MTA3: variants seen among roughly 807,000 people sequenced by gnomAD.
MTA3 encodes metastasis-associated protein MTA3.
In MTA3, 34 loss-of-function variants were observed where a neutral mutation model predicts 83.5. The observed-to-expected ratio is 0.41, with a 90% CI of 0.31 to 0.54. MTA3 has a LOEUF of 0.54. Ranked by LOEUF, MTA3 falls within the 20% of genes least tolerant of loss-of-function variation. The pLI is 0.33. For missense variants in MTA3, 761 were observed against 726.4 expected (o/e 1.05, Z -0.55); for synonymous variants, 303 against 252.7 (o/e 1.20, Z -1.89).
intron 6 of MTA3, among the ~76,000 whole-genome samples, chr2:42,649,111 T>C (rs1475765749): frequency 6.6e-6 from 1 of 152,024 alleles, no homozygotes; most frequent in African/African-American, 2.4e-5. Flanking sequence ...ATAGCTGTTA[T>C]CGGCCGGGTG....
chr2:42,716,325 C>G (rs1372427626), intron 14 of MTA3, among the ~76,000 whole-genome samples: 1 of 152,128 alleles, frequency 6.6e-6, no homozygotes, highest in Non-Finnish European at 1.5e-5. Flanking sequence ...TGTTTTTAAA[C>G]TTATTTTTTA....
chr2:42,511,985 C>T (rs1180758949), intron 2 of MTA3: 2 of 151,750 alleles, frequency 1.3e-5, no homozygotes, highest in Non-Finnish European at 2.9e-5. Context: ...CCACTGCACT[C>T]CAGCCTGGGC....
chr2:42,658,785 TC>T lies in MTA3; in HGVS notation c.603-976del, dbSNP rs1266021716. ...TAATTAAAATATTTATAAAATTTCTTCCTTAGGGGTCAACCACAATGGCTCA... is the reference window on the plus strand; with the variant it reads ...TAATTAAAATATTTATAAAATTTCTTCTTAGGGGTCAACCACAATGGCTCA... On this transcript the variant is annotated intron_variant, in intron 7 of 16. Coordinates refer to ENST00000405094, the MANE Select transcript of MTA3 (RefSeq NM_001330442.2). Among the ~76,000 whole-genome samples, 3 of 152,042 alleles carry T rather than the reference TC, an allele frequency of 2.0e-5. No homozygotes were observed. In the South Asian group the frequency reaches 6.2e-4, roughly 32 times the overall value.
upstream of MTA3, chr2:42,568,059 G>T (rs1678004089): frequency 6.6e-6 from 1 of 152,244 alleles, no homozygotes; most frequent in Non-Finnish European, 1.5e-5. Flanking sequence ...GAGGCGGGAA[G>T]CACCCGGAAT....
intron 8 of MTA3, among the ~76,000 whole-genome samples, chr2:42,664,922 A>G (rs1690089545): frequency 1.3e-5 from 2 of 152,198 alleles, no homozygotes; most frequent in Admixed American, 1.3e-4. Context: ...AACTGTTTGC[A>G]CATCAGTAGT....
chr2:42,638,280 T>C (rs1011710917), intron 4 of MTA3, among the ~76,000 whole-genome samples: 1 of 152,204 alleles, frequency 6.6e-6, no homozygotes, highest in African/African-American at 2.4e-5. Flanking sequence ...TGAGCACATA[T>C]TCACAGGTCA....
chr2:42,515,841 A>T (rs1273204928), intron 2 of MTA3, among the ~76,000 whole-genome samples: 23 of 132,612 alleles, frequency 1.7e-4, no homozygotes, highest in Middle Eastern at 4.1e-3. Context: ...TATTTTATGT[A>T]TTTTTTTTTT....
At chr2:42,733,217 C>T (rs1369204659) in intron 16 of MTA3, among the ~76,000 whole-genome samples, 1 of 152,172 alleles carries the variant, frequency 6.6e-6, no homozygotes, top group African/African-American at 2.4e-5. Context: ...ACTTACAGTT[C>T]CATATGGCTG....
At chr2:42,535,679 C>T (rs1426835824) in intron 2 of MTA3, among the ~76,000 whole-genome samples, 1 of 152,090 alleles carries the variant, frequency 6.6e-6, no homozygotes, top group Non-Finnish European at 1.5e-5. Context: ...TAAATAAAAT[C>T]AGGGTTATGT....
rs547950415 is a variant in MTA3, at chr2:42,519,998, C to T, written c.-141+24744C>T. 5.3e-5 allele frequency among the ~76,000 whole-genome samples: 8 copies of T among 152,176 alleles called. No individual in the cohort carries two copies. In the South Asian group the frequency reaches 8.3e-4, roughly 16 times the overall value. On this transcript the variant is annotated intron_variant, in intron 2 of 17. Coordinates refer to the MTA3 transcript ENST00000405592. ...TGGAGGTTGCAGTGAGTTGAGATCA[C>T]GCTGCTGTACTCCAGCCTGGGTGAT...
chr2:42,654,807 A>C (rs1157950913), intron 6 of MTA3, among the ~76,000 whole-genome samples: 1 of 152,064 alleles, frequency 6.6e-6, no homozygotes, highest in African/African-American at 2.4e-5. Context: ...GTAGAGTTGG[A>C]GTCTCACTGT....
At chr2:42,518,583 A>G (rs944522728) in intron 2 of MTA3, among the ~76,000 whole-genome samples, 1 of 152,224 alleles carries the variant, frequency 6.6e-6, no homozygotes, top group Non-Finnish European at 1.5e-5. Flanking sequence ...TCCATGCAGA[A>G]TAATTCCAAA....
At chr2:42,537,220 A>G (rs1045140754) in intron 2 of MTA3, among the ~76,000 whole-genome samples, 4 of 152,126 alleles carry the variant, frequency 2.6e-5, no homozygotes, top group Non-Finnish European at 4.4e-5. Flanking sequence ...TCACTAAAAA[A>G]CAACCAGTCA....
chr2:42,721,549 G>A (rs781721001), intron 15 of MTA3, among the ~76,000 whole-genome samples: 45 of 151,936 alleles, frequency 3.0e-4, no homozygotes, highest in Non-Finnish European at 3.5e-4. Context: ...GGCTGGTCTC[G>A]AACTCCTGGA....
chr2:42,649,092 A>G (rs1688469000), intron 6 of MTA3, among the ~76,000 whole-genome samples: 1 of 151,890 alleles, frequency 6.6e-6, no homozygotes, highest in African/African-American at 2.4e-5. Flanking sequence ...CTCTAGTACC[A>G]CTCATTTAAT....
At chr2:42,594,728 A>ATATATATATT in intron 3 of MTA3, among the ~76,000 whole-genome samples, 11 of 24,040 alleles carry the variant, frequency 4.6e-4, no homozygotes, top group South Asian at 4.1e-3. Flanking sequence ...ATATATATAT[A>ATATATATATT]TTTTTTTTTT....
chr2:42,719,104 A>G, intron 15 of MTA3, 30 bp downstream of exon 15: 1 of 1,463,160 alleles, frequency 6.8e-7, no homozygotes. Context: ...GGAAAAACTC[A>G]AAGAGCAATT....
At chr2:42,532,261 A>C (rs1156862446) in intron 2 of MTA3, among the ~76,000 whole-genome samples, 8 of 152,252 alleles carry the variant, frequency 5.3e-5, no homozygotes, top group Non-Finnish European at 1.5e-5. Flanking sequence ...CTGTAATTGC[A>C]GCACTTTGAG....
chr2:42,723,989 G>A (rs1272874914), intron 16 of MTA3, among the ~76,000 whole-genome samples: 1 of 152,128 alleles, frequency 6.6e-6, no homozygotes, highest in African/African-American at 2.4e-5. Flanking sequence ...GGTTATCAAT[G>A]TGTTAAGATA....
Sources: gnomAD v4.1 joint callset for allele counts (sites outside exome capture counted in the v4.1 genomes callset) on GRCh38, gnomAD v4.1.1 for gene constraint, MANE v1.5 for transcripts, NCBI Gene and HGNC (gene_info 2026-07-23, HGNC 2026-07-21) for gene names.